The following NELL2 variants were observed in gnomAD, a reference collection of about 807,000 sequenced individuals.
NELL2 encodes protein kinase C-binding protein NELL2.
A neutral mutation model predicts 109.6 loss-of-function variants in NELL2; 41 were observed. That is an observed-to-expected ratio of 0.37 (90% CI 0.29 to 0.49). NELL2 has a LOEUF of 0.49. Among genes scored for constraint, NELL2 ranks in the 20% least tolerant of loss-of-function variants. The pLI is 0.98. For missense variants in NELL2, 900 were observed against 1,008.3 expected (o/e 0.89, Z 1.45); for synonymous variants, 355 against 344.7 (o/e 1.03, Z -0.33).
intron 1 of NELL2, among the ~76,000 whole-genome samples, chr12:44,888,652 G>A (rs778799756): frequency 4.0e-5 from 6 of 151,724 alleles, no homozygotes; most frequent in Middle Eastern, 3.4e-3. Flanking sequence ...AATAGTAAGC[G>A]GGATAAAATA....
rs1171581926 is a variant in NELL2 at position 44,791,150 on chromosome 12, TACAC to T, written c.336-11132_336-11129del. Reference sequence around the variant, plus strand: ...ATATATATATACACACGCACACACATACACACACACACACACATATATAGTATTC... The same window carrying T: ...ATATATATATACACACGCACACACATACACACACACACATATATAGTATTC... On this transcript the variant is annotated intron_variant, in intron 3 of 19. Transcript: ENST00000429094. Among the ~76,000 whole-genome samples the T allele has an allele frequency of 1.5e-4, 8 of 53,532 alleles. 1 individual carries two copies. Among genetic ancestry groups the T allele is most frequent in the African/African-American group, 4.6e-4 (6 of 13,110 alleles). 35.1% of individuals were successfully genotyped at this position (53,532 alleles called of 152,430 possible).
At chr12:44,728,675 A>G (rs1939206761) in intron 9 of NELL2, among the ~76,000 whole-genome samples, 1 of 152,172 alleles carries the variant, frequency 6.6e-6, no homozygotes, top group East Asian at 1.9e-4. Context: ...CTACACAAAG[A>G]CACATTATAA....
At chr12:44,705,857 A>C (rs1937848065) in intron 11 of NELL2, among the ~76,000 whole-genome samples, 1 of 152,220 alleles carries the variant, frequency 6.6e-6, no homozygotes, top group African/African-American at 2.4e-5. Flanking sequence ...GAGGACTGTG[A>C]CTAAGAACGG....
intron 11 of NELL2, among the ~76,000 whole-genome samples, chr12:44,709,819 CAA>C (rs1249908640): frequency 3.9e-5 from 6 of 152,086 alleles, no homozygotes; most frequent in African/African-American, 1.4e-4. Flanking sequence ...GTTTGGATGC[CAA>C]AGACACTCTA....
intron 15 of NELL2, among the ~76,000 whole-genome samples, chr12:44,552,419 TA>T (rs34748608): frequency 0.035 from 5,302 of 152,172 alleles, 327 homozygotes; most frequent in African/African-American, 0.12. Flanking sequence ...ATATTTTCTT[TA>T]AAATAATCAT....
In NELL2 at chr12:44,673,356, A is replaced by C. The variant is rs532766225; in HGVS notation, c.1319-7747T>G. ...AATTCAAAAACCTAATATAAGTCAAATTCTCACAATTCATTTTCAATTCTC... is the reference window on the plus strand; with the variant it reads ...AATTCAAAAACCTAATATAAGTCAACTTCTCACAATTCATTTTCAATTCTC... On this transcript the variant is annotated intron_variant, in intron 12 of 19. Transcript: ENST00000429094. Among the ~76,000 whole-genome samples the C allele has an allele frequency of 2.6e-5, 4 of 152,324 alleles. No individual in the cohort carries two copies. In the East Asian group the frequency reaches 7.7e-4, roughly 29 times the overall value.
intron 9 of NELL2, among the ~76,000 whole-genome samples, chr12:44,736,340 A>G (rs1939652860): frequency 6.6e-6 from 1 of 152,030 alleles, no homozygotes; most frequent in Admixed American, 6.6e-5. Flanking sequence ...GCATTGGGTA[A>G]CTCTGTTAAA....
intron 9 of NELL2, among the ~76,000 whole-genome samples, chr12:44,772,673 CCCTCTCTATT>C (rs1438591682): frequency 1.3e-5 from 2 of 152,212 alleles, no homozygotes; most frequent in Admixed American, 6.5e-5. Flanking sequence ...TAAGCATGAA[CCCTCTCTATT>C]CCTCTCTATT....
chr12:44,870,098 C>A (rs1945120639), intron 2 of NELL2, among the ~76,000 whole-genome samples: 1 of 152,128 alleles, frequency 6.6e-6, no homozygotes, highest in Non-Finnish European at 1.5e-5. Flanking sequence ...CCCTTTCCTT[C>A]AGTTTATAAT....
intron 11 of NELL2, among the ~76,000 whole-genome samples, chr12:44,708,813 A>G (rs1214907081): frequency 6.6e-6 from 1 of 152,182 alleles, no homozygotes; most frequent in Non-Finnish European, 1.5e-5. Flanking sequence ...CACTCCTATC[A>G]GTTATATCAG....
chr12:44,912,106 CAG>C (rs910307378), intron 1 of NELL2, among the ~76,000 whole-genome samples: 2 of 151,560 alleles, frequency 1.3e-5, no homozygotes, highest in African/African-American at 2.4e-5. Context: ...AAAGCCCACA[CAG>C]AGAGAAAAAA....
chr12:44,617,406 G>GAA (rs1592213850), intron 13 of NELL2, among the ~76,000 whole-genome samples: 1 of 145,462 alleles, frequency 6.9e-6, no homozygotes, highest in African/African-American at 2.8e-5. Flanking sequence ...AAGCAGTTGT[G>GAA]GCCGGGCGCG....
At chr12:44,548,543 TAAA>T (rs10718866) in intron 15 of NELL2, among the ~76,000 whole-genome samples, 1 of 139,264 alleles carries the variant, frequency 7.2e-6, no homozygotes. Context: ...AGACTCCGTC[TAAA>T]AAAAAAAAAA....
chr12:44,650,419 C>T (rs986708716), intron 13 of NELL2, among the ~76,000 whole-genome samples: 13 of 151,898 alleles, frequency 8.6e-5, no homozygotes, highest in Non-Finnish European at 1.8e-4. Context: ...CCTCAGCTTC[C>T]GGAGTAGCTG....
intron 9 of NELL2, among the ~76,000 whole-genome samples, chr12:44,736,351 G>C (rs374690115): frequency 1.3e-5 from 2 of 152,050 alleles, no homozygotes; most frequent in Non-Finnish European, 2.9e-5. Flanking sequence ...CTCTGTTAAA[G>C]AGTTGCTAAA....
intron 16 of NELL2, among the ~76,000 whole-genome samples, chr12:44,530,755 A>G (rs1942013480): frequency 6.6e-6 from 1 of 152,140 alleles, no homozygotes; most frequent in African/African-American, 2.4e-5. Flanking sequence ...ATGATCTTGG[A>G]AACAGATTCC....
intron 3 of NELL2, among the ~76,000 whole-genome samples, chr12:44,797,906 G>C (rs542513584): frequency 1.5e-5 from 1 of 64,936 alleles, no homozygotes; most frequent in East Asian, 4.3e-4. Flanking sequence ...TTCCATCCTA[G>C]ATGGAATGAT....
intron 9 of NELL2, among the ~76,000 whole-genome samples, chr12:44,755,340 C>T (rs559260616): frequency 3.9e-5 from 6 of 152,188 alleles, no homozygotes; most frequent in South Asian, 4.1e-4. Flanking sequence ...TTCAGGTTCC[C>T]GTCATTAAAT....
rs576864687 is a variant in NELL2 at position 44,765,174 on chromosome 12, G to A, written c.994+9573C>T. ...AATTACCAATGTTATGAATCATTGA[G>A]GTCATCTTCCAATGGTTAAAATCAT... is the stretch of plus-strand genomic sequence containing the variant. On this transcript the variant is annotated intron_variant, in intron 9 of 19. Transcript: ENST00000429094. Among the ~76,000 whole-genome samples the A allele has an allele frequency of 4.6e-5, 7 of 152,256 alleles. No homozygotes were observed. In the East Asian group the frequency reaches 1.4e-3, roughly 29 times the overall value.
Sources: gnomAD v4.1 joint callset for allele counts (sites outside exome capture counted in the v4.1 genomes callset) on GRCh38, gnomAD v4.1.1 for gene constraint, MANE v1.5 for transcripts, NCBI Gene and HGNC (gene_info 2026-07-23, HGNC 2026-07-21) for gene names.